Variants in PACRG observed in about 807,000 individuals in gnomAD.
The protein encoded by PACRG is parkin coregulated gene protein.
Under a neutral mutation model 29.7 loss-of-function variants are expected in PACRG, and 29 were observed. The observed-to-expected ratio is 0.98, with a 90% CI of 0.73 to 1.33. The LOEUF (loss-of-function observed/expected upper bound fraction) is 1.33. PACRG is among the 40% of genes most tolerant of loss of function. The pLI, the probability that PACRG is intolerant of heterozygous loss-of-function variation, is 0.00. For synonymous variants in PACRG, 116 were observed against 118.7 expected (o/e 0.98, Z 0.15); for missense variants, 279 against 316.2 (o/e 0.88, Z 0.89).
intron 2 of PACRG, among the ~76,000 whole-genome samples, chr6:162,919,519 C>A (rs1358003741): frequency 6.6e-6 from 1 of 152,116 alleles, no homozygotes; most frequent in African/African-American, 2.4e-5. Context: ...GTAGAGTTCC[C>A]AGCTAAGAGG....
intron 4 of PACRG, among the ~76,000 whole-genome samples, chr6:163,259,698 T>A (rs1463184920): frequency 6.6e-6 from 1 of 152,162 alleles, no homozygotes; most frequent in Non-Finnish European, 1.5e-5. Flanking sequence ...GACTATAAGG[T>A]CTTAGCCTTC....
chr6:162,728,827 T>C (rs1779505699), intron 1 of PACRG, among the ~76,000 whole-genome samples: 1 of 152,168 alleles, frequency 6.6e-6, no homozygotes, highest in African/African-American at 2.4e-5. Context: ...TAATCTATAA[T>C]GAGAAATTTC....
intron 4 of PACRG, chr6:163,101,594 T>A: frequency 4.6e-6 from 1 of 219,156 alleles, no homozygotes; most frequent in Non-Finnish European, 7.7e-6. Context: ...GATGACCAAC[T>A]AAAATTTCTA....
chr6:162,944,956 A>G (rs578185015), intron 2 of PACRG, among the ~76,000 whole-genome samples: 4 of 152,270 alleles, frequency 2.6e-5, no homozygotes, highest in South Asian at 4.1e-4. Context: ...GTTTAGAAAG[A>G]TATTTAGACA....
intron 4 of PACRG, among the ~76,000 whole-genome samples, chr6:163,293,756 A>G (rs949797040): frequency 6.6e-6 from 1 of 152,220 alleles, no homozygotes; most frequent in Non-Finnish European, 1.5e-5. Context: ...TACAGGGAAT[A>G]TAGGTTTACA....
chr6:162,907,401 T>C (rs1004221434), intron 2 of PACRG, among the ~76,000 whole-genome samples: 1 of 152,138 alleles, frequency 6.6e-6, no homozygotes, highest in Non-Finnish European at 1.5e-5. Flanking sequence ...CAATTGGGCA[T>C]TTCTAATATT....
chr6:162,756,558 T>G (rs796809531), intron 1 of PACRG, among the ~76,000 whole-genome samples: 5 of 152,336 alleles, frequency 3.3e-5, no homozygotes, highest in African/African-American at 1.2e-4. Flanking sequence ...GACCCTCTTA[T>G]AGGCAGCATG....
intron 1 of PACRG, among the ~76,000 whole-genome samples, chr6:162,752,181 GC>G (rs1781560770): frequency 6.6e-6 from 1 of 152,118 alleles, no homozygotes; most frequent in South Asian, 2.1e-4. Context: ...AAGAAGCAAA[GC>G]TCTATTTTAC....
intron 4 of PACRG, among the ~76,000 whole-genome samples, chr6:163,208,703 A>C (rs185038685): frequency 3.3e-5 from 5 of 152,358 alleles, no homozygotes; most frequent in Non-Finnish European, 5.9e-5. Context: ...GCATGGAATA[A>C]AATGTGAACT....
chr6:162,906,094 A>AT (rs1795916557), intron 2 of PACRG, among the ~76,000 whole-genome samples: 1 of 152,206 alleles, frequency 6.6e-6, no homozygotes, highest in Non-Finnish European at 1.5e-5. Flanking sequence ...AGGTTTTCAA[A>AT]TTTTTTACTA....
chr6:163,139,771 A>G (rs533490836), intron 4 of PACRG, among the ~76,000 whole-genome samples: 2 of 152,346 alleles, frequency 1.3e-5, no homozygotes, highest in South Asian at 2.1e-4. Flanking sequence ...CCCCCACCTA[A>G]TAGAAATCCC....
chr6:163,180,035 T>C (rs536428187), intron 4 of PACRG, among the ~76,000 whole-genome samples: 4 of 152,344 alleles, frequency 2.6e-5, no homozygotes, highest in East Asian at 1.9e-4. Context: ...TGACTTGAAG[T>C]GGTCTTTCTG....
chr6:162,940,559 G>T (rs889599281), intron 2 of PACRG, among the ~76,000 whole-genome samples: 2 of 152,090 alleles, frequency 1.3e-5, no homozygotes, highest in East Asian at 3.9e-4. Context: ...AGGAGTAAGT[G>T]GAATGTTTCC....
intron 4 of PACRG, 77 bp downstream of exon 4, chr6:163,089,485 C>T: frequency 6.6e-7 from 1 of 1,515,918 alleles, no homozygotes. Flanking sequence ...TAATTAGCAA[C>T]ACGTTTAGGA....
At chr6:163,199,176 G>A (rs1270381654) in intron 4 of PACRG, among the ~76,000 whole-genome samples, 3 of 152,096 alleles carry the variant, frequency 2.0e-5, no homozygotes, top group South Asian at 2.1e-4. Context: ...GATCATGTAC[G>A]GAATAAAGAA....
At chr6:163,016,462 G>A (rs770165956) in intron 2 of PACRG, among the ~76,000 whole-genome samples, 47 of 151,106 alleles carry the variant, frequency 3.1e-4, no homozygotes, top group Non-Finnish European at 5.3e-4. Flanking sequence ...CCTCAAATCT[G>A]CCACTAGGTT....
chr6:162,910,513 C>A (rs1796231930), intron 2 of PACRG, among the ~76,000 whole-genome samples: 1 of 151,810 alleles, frequency 6.6e-6, no homozygotes, highest in Admixed American at 6.6e-5. Flanking sequence ...GATAGTTGAA[C>A]ATAGATAGTT....
chr6:163,256,078 A>G (rs560448850), intron 4 of PACRG, among the ~76,000 whole-genome samples: 1 of 152,332 alleles, frequency 6.6e-6, no homozygotes, highest in African/African-American at 2.4e-5. Flanking sequence ...GTACTATTCT[A>G]CGTTCTGCTA....
Sources: gnomAD v4.1 joint callset for allele counts (sites outside exome capture counted in the v4.1 genomes callset) on GRCh38, gnomAD v4.1.1 for gene constraint, MANE v1.5 for transcripts, NCBI Gene and HGNC (gene_info 2026-07-23, HGNC 2026-07-21) for gene names.